Variants in CNBD1 observed in about 807,000 individuals in gnomAD.
CNBD1 encodes cyclic nucleotide-binding domain-containing protein 1.
CNBD1 carries 71 observed loss-of-function variants against 54.4 expected under a neutral mutation model. The ratio of observed to expected loss-of-function variants is 1.30; its 90% CI spans 1.08 to 1.59. CNBD1 has a LOEUF of 1.59. Among genes scored for constraint, CNBD1 ranks in the 40% most tolerant of loss-of-function variants. The pLI, the probability that CNBD1 is intolerant of heterozygous loss-of-function variation, is 0.00. For missense variants in CNBD1, 659 were observed against 518.0 expected, an observed-to-expected ratio of 1.27 and a Z score of -2.64; for synonymous variants, 182 against 170.7, an observed-to-expected ratio of 1.07 and a Z score of -0.51.
At chr8:87,216,025 T>G (rs1814202307) in intron 5 of CNBD1, among the ~76,000 whole-genome samples, 2 of 152,218 alleles carry the variant, frequency 1.3e-5, no homozygotes, top group South Asian at 4.1e-4. Flanking sequence ...TAACATAGTG[T>G]TTTCGTGGTT....
At chr8:87,007,807 C>A (rs1411086271) in intron 4 of CNBD1, among the ~76,000 whole-genome samples, 1 of 152,008 alleles carries the variant, frequency 6.6e-6, no homozygotes, top group Non-Finnish European at 1.5e-5. Flanking sequence ...ACTAAATTTA[C>A]TATGTATTTA....
At chr8:86,991,188 T>A (rs1372977648) in intron 4 of CNBD1, among the ~76,000 whole-genome samples, 1 of 152,120 alleles carries the variant, frequency 6.6e-6, no homozygotes, top group Non-Finnish European at 1.5e-5. Context: ...CTTATGTGAT[T>A]GCTCTGTCTA....
At chr8:87,394,533 T>A (rs1554586624) in intron 2 of CNBD1, among the ~76,000 whole-genome samples, 1 of 151,888 alleles carries the variant, frequency 6.6e-6, no homozygotes, top group Admixed American at 6.6e-5. Context: ...GAATAAGTGG[T>A]GAGAAAGGTT....
intron 8 of CNBD1, among the ~76,000 whole-genome samples, chr8:87,297,606 C>A (rs1258947975): frequency 4.6e-5 from 7 of 151,966 alleles, no homozygotes. Flanking sequence ...AGAGAGTGAA[C>A]CATGTCAATA....
intron 4 of CNBD1, among the ~76,000 whole-genome samples, chr8:87,089,408 G>A (rs1221157365): frequency 2.0e-5 from 3 of 152,022 alleles, no homozygotes; most frequent in Admixed American, 6.6e-5. Flanking sequence ...CGTATTCCAA[G>A]CAAGAGATAA....
At chr8:86,984,873 G>T (rs1019708711) in intron 4 of CNBD1, among the ~76,000 whole-genome samples, 6 of 152,118 alleles carry the variant, frequency 3.9e-5, no homozygotes, top group African/African-American at 1.4e-4. Flanking sequence ...TTGAGTTAAT[G>T]GTGAAATGAG....
At chr8:87,332,047 C>T (rs1367737044) in intron 8 of CNBD1, among the ~76,000 whole-genome samples, 2 of 152,046 alleles carry the variant, frequency 1.3e-5, no homozygotes, top group East Asian at 1.9e-4. Flanking sequence ...TTTTGCTGTA[C>T]AGAAGCTCTT....
Position 87,195,567 on chromosome 8 carries a change from T to G in CNBD1, c.432-10426T>G, listed in dbSNP as rs111250376. Among the ~76,000 whole-genome samples, 499 of 151,532 alleles carry G rather than the reference T, an allele frequency of 3.3e-3. 2 individuals carry two copies. Among genetic ancestry groups the G allele is most frequent in the Admixed American group, 7.4e-3 (113 of 15,212 alleles). On this transcript the variant is annotated intron_variant, in intron 4 of 10. Coordinates refer to ENST00000518476, the MANE Select transcript of CNBD1 (RefSeq NM_173538.3). ...TGATCCTCAGTTTAAATATTGTTTT[T>G]TTTTTTTTTTTAATTTTTATTTTTG...
intron 6 of CNBD1, among the ~76,000 whole-genome samples, chr8:87,265,059 T>A (rs193280403): frequency 1.2e-4 from 19 of 152,222 alleles, no homozygotes; most frequent in Non-Finnish European, 2.5e-4. Flanking sequence ...GGTATCTTAG[T>A]CATGAAGTCC....
chr8:86,904,258 TATG>T (rs1204753917), intron 2 of CNBD1, among the ~76,000 whole-genome samples: 2 of 152,190 alleles, frequency 1.3e-5, no homozygotes, highest in East Asian at 3.9e-4. Flanking sequence ...CAATTTGAAG[TATG>T]ATAATTTTTT....
intron 4 of CNBD1, among the ~76,000 whole-genome samples, chr8:87,193,960 C>T (rs893862058): frequency 1.3e-5 from 2 of 152,150 alleles, no homozygotes; most frequent in East Asian, 1.9e-4. Context: ...TAGACTGATA[C>T]AGTGTCTCCT....
At chr8:86,894,987 AAGAT>A (rs1166880656) in intron 2 of CNBD1, among the ~76,000 whole-genome samples, 3 of 152,176 alleles carry the variant, frequency 2.0e-5, no homozygotes, top group Admixed American at 6.5e-5. Context: ...AAGCTTTTGA[AAGAT>A]AGAGAAGATA....
chr8:87,181,281 A>G (rs1025806191), intron 4 of CNBD1, among the ~76,000 whole-genome samples: 4 of 152,188 alleles, frequency 2.6e-5, no homozygotes, highest in African/African-American at 9.7e-5. Context: ...AACTTAATAC[A>G]TTTGACATGT....
At chr8:87,294,893 AAAT>A (rs1338144339) in intron 8 of CNBD1, among the ~76,000 whole-genome samples, 2 of 152,028 alleles carry the variant, frequency 1.3e-5, no homozygotes, top group East Asian at 1.9e-4. Context: ...ATTGTTTTCT[AAAT>A]AATATTTATT....
At chr8:87,404,495 C>T (rs1009884396) in intron 2 of CNBD1, among the ~76,000 whole-genome samples, 6 of 151,976 alleles carry the variant, frequency 3.9e-5, no homozygotes, top group Admixed American at 2.6e-4. Context: ...TTTATGGTGT[C>T]GAAATCATTT....
chr8:87,269,696 C>T (rs1314721424), intron 6 of CNBD1, among the ~76,000 whole-genome samples: 1 of 152,012 alleles, frequency 6.6e-6, no homozygotes, highest in African/African-American at 2.4e-5. Context: ...AATGGAATTG[C>T]TTTCCCCAGA....
At chr8:86,910,287 G>A (rs1290992063) in intron 3 of CNBD1, among the ~76,000 whole-genome samples, 1 of 152,128 alleles carries the variant, frequency 6.6e-6, no homozygotes, top group Non-Finnish European at 1.5e-5. Context: ...TCTCATCCCT[G>A]CTCATATTTG....
At chr8:87,419,797 G>C (rs1361499576) in intron 2 of CNBD1, among the ~76,000 whole-genome samples, 1 of 151,532 alleles carries the variant, frequency 6.6e-6, no homozygotes, top group African/African-American at 2.4e-5. Flanking sequence ...AAAAATTTAA[G>C]GAAAACATGT....
chr8:87,263,984 TAAA>T (rs1049727922), intron 6 of CNBD1, among the ~76,000 whole-genome samples: 1 of 152,150 alleles, frequency 6.6e-6, no homozygotes, highest in Non-Finnish European at 1.5e-5. Flanking sequence ...TGTTGAGTAT[TAAA>T]AAGTATTTTA....
Sources: allele counts gnomAD v4.1 joint callset (sites outside exome capture counted in the v4.1 genomes callset), GRCh38; gene constraint gnomAD v4.1.1; transcripts MANE v1.5; gene names NCBI Gene and HGNC (gene_info 2026-07-23, HGNC 2026-07-21).